The following TTC27 variants were observed in gnomAD, a reference collection of about 807,000 sequenced individuals.
TTC27 encodes tetratricopeptide repeat protein 27.
TTC27 carries 79 observed loss-of-function variants against 115.9 expected under a neutral mutation model. That is an observed-to-expected ratio of 0.68 (90% CI 0.57 to 0.82). The LOEUF (loss-of-function observed/expected upper bound fraction) is 0.82, where lower values mean the gene tolerates loss of function less well. TTC27 is among the 40% of genes least tolerant of loss of function. TTC27 has a pLI of 0.00. For synonymous variants in TTC27, 401 were observed against 356.0 expected (o/e 1.13, Z -1.42); for missense variants, 1,054 against 993.1 (o/e 1.06, Z -0.82).
chr2:32,779,982 G>A (rs1406304037), intron 14 of TTC27: 6 of 363,672 alleles, frequency 1.6e-5, no homozygotes, highest in East Asian at 1.6e-4. Context: ...TTAATTGACT[G>A]TAATGTAAGG....
intron 4 of TTC27, among the ~76,000 whole-genome samples, chr2:32,641,404 C>G (rs1664642995): frequency 6.6e-6 from 1 of 152,230 alleles, no homozygotes; most frequent in African/African-American, 2.4e-5. Context: ...TTTGTGGACA[C>G]TGAAACTTAC....
intron 6 of TTC27, among the ~76,000 whole-genome samples, chr2:32,665,707 A>T (rs1665747565): frequency 6.6e-6 from 1 of 152,136 alleles, no homozygotes; most frequent in Non-Finnish European, 1.5e-5. Context: ...ATCCTGGCCA[A>T]CATGGCAAAA....
At chr2:32,666,511 C>A in intron 6 of TTC27, 124 bp from the exon 7 acceptor site, 1 of 1,034,468 alleles carries the variant, frequency 9.7e-7, no homozygotes, top group East Asian at 2.8e-5. Flanking sequence ...GGCCTCAGGA[C>A]TTTCTTATGT....
intron 13 of TTC27, among the ~76,000 whole-genome samples, chr2:32,760,824 A>G (rs1027341065): frequency 2.6e-5 from 4 of 152,104 alleles, no homozygotes; most frequent in South Asian, 4.1e-4. Flanking sequence ...TGTTCTCTGC[A>G]GCGCACAGTC....
chr2:32,664,439 C>T lies in TTC27; in HGVS notation c.777C>T (p.Asp259=). 2 of 1,604,544 alleles carry T rather than the reference C, an allele frequency of 1.2e-6. No individual in the cohort carries two copies. Among genetic ancestry groups the T allele is most frequent in the African/African-American group, 1.3e-5 (1 of 74,504 alleles). The change falls in exon 6 of 20, where the codon GAC becomes GAT. Residue 259 remains aspartate (D), a synonymous_variant. Transcript: ENST00000317907. ...KAKDQLDIAK[D]ISQLQIDLTG... is the part of the protein sequence containing the mutation. ...AAGATCAGTTGGATATTGCTAAGGA[C>T]ATCAGCCAATTACAAATTGATTTGA...
At chr2:32,644,837 GTTCCTTCCTTTCTTCTTTTC>G (rs1664792552) in intron 4 of TTC27, among the ~76,000 whole-genome samples, 1 of 70,160 alleles carries the variant, frequency 1.4e-5, no homozygotes, top group Non-Finnish European at 2.7e-5. Context: ...CCTTTCCTTC[GTTCCTTCCTTTCTTCTTTTC>G]TTCCTTCCTT....
intron 16 of TTC27, among the ~76,000 whole-genome samples, chr2:32,794,236 A>G (rs559963494): frequency 6.6e-6 from 1 of 152,324 alleles, no homozygotes; most frequent in African/African-American, 2.4e-5. Context: ...AAAAAGATAG[A>G]TGTCATAGAA....
At chr2:32,711,300 T>A (rs1269404515) in intron 10 of TTC27, among the ~76,000 whole-genome samples, 1 of 152,166 alleles carries the variant, frequency 6.6e-6, no homozygotes, top group Non-Finnish European at 1.5e-5. Context: ...AGACAGTTAC[T>A]TCTGCCTCCG....
chr2:32,749,298 A>G (rs1433692535), intron 12 of TTC27, among the ~76,000 whole-genome samples: 2 of 152,330 alleles, frequency 1.3e-5, no homozygotes, highest in East Asian at 1.9e-4. Flanking sequence ...TAGACTGGGC[A>G]TATGATGACA....
At chr2:32,652,336 A>C (rs958840849) in intron 5 of TTC27, among the ~76,000 whole-genome samples, 1 of 152,026 alleles carries the variant, frequency 6.6e-6, no homozygotes, top group Non-Finnish European at 1.5e-5. Context: ...GCGTCATTGC[A>C]CTCTGGCCTG....
At chr2:32,734,141 G>A (rs1668380911) in intron 11 of TTC27, among the ~76,000 whole-genome samples, 1 of 152,140 alleles carries the variant, frequency 6.6e-6, no homozygotes, top group Non-Finnish European at 1.5e-5. Flanking sequence ...AAAATCTTAT[G>A]AAATAGAATC....
chr2:32,781,259 C>G (rs993413472), intron 14 of TTC27, among the ~76,000 whole-genome samples: 1 of 152,220 alleles, frequency 6.6e-6, no homozygotes, highest in East Asian at 1.9e-4. Flanking sequence ...CAAACATTCT[C>G]TCATTATGTT....
At chr2:32,675,051 A>T (rs1159276697) in intron 8 of TTC27, among the ~76,000 whole-genome samples, 1 of 152,214 alleles carries the variant, frequency 6.6e-6, no homozygotes, top group African/African-American at 2.4e-5. Flanking sequence ...AATAGCAACC[A>T]TTTATCAACA....
In TTC27 at chr2:32,778,040, G is replaced by A. The variant is rs930710148; in HGVS notation, c.1779+60G>A. 103 of 1,531,572 alleles carry A rather than the reference G, an allele frequency of 6.7e-5. 1 individual carries two copies. In the African/African-American group the frequency reaches 1.3e-3, roughly 20 times the overall value. The allele number at this position is 1,531,572 out of a possible 1,614,324, so 94.9% of individuals were successfully genotyped here. Reference sequence around the variant, plus strand: ...CTTTACTCTCTAAGTTGTTGAAATTGTACTGTATGGTTCAGAACAGCAATT... The same window carrying A: ...CTTTACTCTCTAAGTTGTTGAAATTATACTGTATGGTTCAGAACAGCAATT... On this transcript the variant is annotated intron_variant, in intron 14 of 19. Transcript: ENST00000317907.
rs1223525970 is a variant in TTC27, at chr2:32,644,808, C to G, written c.537+4398C>G. Among the ~76,000 whole-genome samples the G allele has an allele frequency of 4.1e-5, 6 of 146,188 alleles. No homozygotes were observed. The East Asian group carries it at 1.2e-3, about 30-fold the overall frequency. On this transcript the variant is annotated intron_variant, in intron 4 of 19. Coordinates refer to ENST00000317907, the MANE Select transcript of TTC27 (RefSeq NM_017735.5). ...GTCTTTACTATATCATTCTTTTTTC[C>G]CTCCCTCCCTCCCTCCCTCCTTTCC...
intron 2 of TTC27, 115 bp downstream of exon 2, chr2:32,630,815 A>C (rs1026747896): frequency 1.5e-5 from 14 of 933,586 alleles, no homozygotes; most frequent in Admixed American, 3.0e-5. Context: ...TATTTTACTC[A>C]AGACTCATGG....
At chr2:32,683,793 A>G (rs1666528126) in intron 9 of TTC27, among the ~76,000 whole-genome samples, 1 of 148,928 alleles carries the variant, frequency 6.7e-6, no homozygotes, top group Non-Finnish European at 1.5e-5. Context: ...AATGTTTTTA[A>G]TTTCCTTTTA....
intron 16 of TTC27, among the ~76,000 whole-genome samples, chr2:32,809,497 A>G (rs1572633429): frequency 6.6e-6 from 1 of 152,202 alleles, no homozygotes; most frequent in African/African-American, 2.4e-5. Flanking sequence ...TTGGAAATGC[A>G]GAATCTTGGT....
At chr2:32,730,621 A>ATTTTTTTTTTTTTTTTT (rs10712292) in intron 10 of TTC27, among the ~76,000 whole-genome samples, 5 of 137,832 alleles carry the variant, frequency 3.6e-5, no homozygotes, top group Non-Finnish European at 6.2e-5. Flanking sequence ...AGACTTTCTT[A>ATTTTTTTTTTTTTTTTT]TTTTTTTTTT....
Sources: allele counts gnomAD v4.1 joint callset (sites outside exome capture counted in the v4.1 genomes callset), GRCh38; gene constraint gnomAD v4.1.1; transcripts MANE v1.5; gene names NCBI Gene and HGNC (gene_info 2026-07-23, HGNC 2026-07-21).